Variants in TIAM2 observed in about 807,000 individuals in gnomAD.
TIAM2 encodes TIAM Rac1 associated GEF 2.
TIAM2 carries 80 observed loss-of-function variants against 152.9 expected under a neutral mutation model. The ratio of observed to expected loss-of-function variants is 0.52; its 90% confidence interval spans 0.44 to 0.63. TIAM2 has a LOEUF of 0.63. Ranked by LOEUF, TIAM2 falls within the 30% of genes least tolerant of loss-of-function variation. The pLI is 0.00. For synonymous variants in TIAM2, 804 were observed against 838.0 expected (o/e 0.96, Z 0.70); for missense variants, 1,965 against 2,120.1 (o/e 0.93, Z 1.44).
At chr6:155,198,653 CAA>C (rs1173124704) in intron 14 of TIAM2, among the ~76,000 whole-genome samples, 19 of 31,666 alleles carry the variant, frequency 6.0e-4, no homozygotes, top group East Asian at 9.7e-4. Context: ...CAAGAGCAAA[CAA>C]GAGCAAATCT....
chr6:155,082,665 C>CAAATAAATAAATAAATAAATAAATAAAT (rs765607888), intron 1 of TIAM2, among the ~76,000 whole-genome samples: 24 of 93,378 alleles, frequency 2.6e-4, no homozygotes, highest in Non-Finnish European at 3.4e-4. Context: ...CAAAAAAACC[C>CAAATAAATAAATAAATAAATAAATAAAT]CAATAAATAA....
intron 1 of TIAM2, among the ~76,000 whole-genome samples, chr6:154,998,733 C>T (rs2114832536): frequency 6.6e-6 from 1 of 152,254 alleles, no homozygotes; most frequent in African/African-American, 2.4e-5. Flanking sequence ...TCAATTCTCC[C>T]ATTTTATGGG....
intron 9 of TIAM2, among the ~76,000 whole-genome samples, chr6:155,169,617 G>A (rs1209906935): frequency 6.6e-6 from 1 of 152,150 alleles, no homozygotes; most frequent in East Asian, 1.9e-4. Flanking sequence ...ATTCTATGCT[G>A]TGTCTCTCCA....
chr6:155,240,193 T>C (rs1288890590), intron 15 of TIAM2, among the ~76,000 whole-genome samples: 1 of 152,222 alleles, frequency 6.6e-6, no homozygotes, highest in Non-Finnish European at 1.5e-5. Context: ...TAGAAAGCCA[T>C]AACTTCTTGA....
intron 2 of TIAM2, among the ~76,000 whole-genome samples, chr6:155,107,191 C>T (rs1193796087): frequency 6.6e-6 from 1 of 151,984 alleles, no homozygotes; most frequent in East Asian, 1.9e-4. Context: ...TACTTCCCCT[C>T]TTCTGGAGTT....
At chr6:155,159,978 A>T (rs1026902686) in intron 7 of TIAM2, among the ~76,000 whole-genome samples, 1 of 152,190 alleles carries the variant, frequency 6.6e-6, no homozygotes, top group African/African-American at 2.4e-5. Context: ...CAGAAACAGT[A>T]GGATGTGTGT....
intron 1 of TIAM2, among the ~76,000 whole-genome samples, chr6:155,053,591 C>T (rs1583169562): frequency 6.6e-6 from 1 of 151,818 alleles, no homozygotes; most frequent in East Asian, 1.9e-4. Flanking sequence ...ATGCCTCAGC[C>T]TCCCGAGTAG....
chr6:155,257,303 T>A lies in TIAM2; in HGVS notation c.*182T>A. On this transcript the variant is annotated 3_prime_UTR_variant, in exon 27 of 27. Transcript: ENST00000682666. ...TTTAATTTATTGTGGATCAGAAACC[T>A]AGATGAAACTGGTCAGAATCTGTAA... The A allele has an allele frequency of 1.5e-6, 1 of 677,472 alleles. No homozygotes were observed. The highest frequency in any genetic ancestry group is 2.4e-6 in the Non-Finnish European group (1 of 416,708). The allele number at this position is 677,472 out of a possible 1,614,324, so 42.0% of individuals were successfully genotyped here. A position where few individuals can be genotyped will look rare whatever the true frequency, so the allele number is the denominator to read the frequency against.
chr6:155,164,801 T>G (rs540465611), intron 8 of TIAM2, among the ~76,000 whole-genome samples: 94 of 152,272 alleles, frequency 6.2e-4, no homozygotes, highest in African/African-American at 2.2e-3. Context: ...CTCTACTGCT[T>G]ATTCTAGAGT....
At chr6:155,043,006 C>T (rs1777082674) in intron 1 of TIAM2, among the ~76,000 whole-genome samples, 1 of 152,162 alleles carries the variant, frequency 6.6e-6, no homozygotes, top group Admixed American at 6.6e-5. Flanking sequence ...CTGCTGAGTG[C>T]CAGTTACTGT....
chr6:155,222,657 C>G (rs543686120), intron 15 of TIAM2, among the ~76,000 whole-genome samples: 2 of 150,592 alleles, frequency 1.3e-5, no homozygotes, highest in African/African-American at 4.9e-5. Flanking sequence ...GTTTTTTGCC[C>G]TAAGTCTTAC....
At chr6:155,043,162 T>C (rs1451663549) in intron 1 of TIAM2, among the ~76,000 whole-genome samples, 1 of 152,176 alleles carries the variant, frequency 6.6e-6, no homozygotes, top group Non-Finnish European at 1.5e-5. Flanking sequence ...GAAGTGGATT[T>C]AAATCAGATT....
intron 1 of TIAM2, among the ~76,000 whole-genome samples, chr6:155,021,138 C>T (rs1346268805): frequency 6.6e-6 from 1 of 152,158 alleles, no homozygotes; most frequent in Non-Finnish European, 1.5e-5. Context: ...GGTCCACAGA[C>T]ATTTGGGTTT....
chr6:155,090,775 A>C (rs1042403110), intron 2 of TIAM2, among the ~76,000 whole-genome samples: 6 of 152,094 alleles, frequency 3.9e-5, no homozygotes, highest in Admixed American at 3.9e-4. Flanking sequence ...TTGAGAACGC[A>C]GAGAGCATAT....
intron 7 of TIAM2, among the ~76,000 whole-genome samples, chr6:155,155,329 A>T (rs142691175): frequency 4.3e-4 from 66 of 152,164 alleles, no homozygotes; most frequent in African/African-American, 1.4e-3. Context: ...GGCATGTGCC[A>T]CTACGTCCTG....
intron 15 of TIAM2, among the ~76,000 whole-genome samples, chr6:155,229,872 G>A (rs781650946): frequency 7.9e-5 from 12 of 152,150 alleles, no homozygotes; most frequent in East Asian, 1.9e-4. Flanking sequence ...GCAAGAGAGC[G>A]TGTGCAGGGG....
chr6:155,002,673 TTTTA>T (rs140724297), intron 1 of TIAM2, among the ~76,000 whole-genome samples: 1 of 150,156 alleles, frequency 6.7e-6, no homozygotes, highest in Non-Finnish European at 1.5e-5. Flanking sequence ...GCTTTGCTTG[TTTTA>T]TTTATTTATT....
In TIAM2 at chr6:155,164,426, G is replaced by A. The variant is rs774271809; in HGVS notation, c.2040G>A (p.Trp680Ter). Residue 680 changes from tryptophan to a stop codon, truncating the protein, a stop_gained, in exon 8 of 27, where the codon TGG becomes TGA. Transcript: ENST00000682666. LOFTEE classifies it high-confidence loss of function. ...GTTTTTGCTTTAAGATCCAGCAATG[G>A]GAGCAGAATCTTGAGAAATTTCACA... is the stretch of plus-strand genomic sequence containing the variant. ...RKAIENQIQQWEQNLEKFHMD... is the reference protein window; with the variant it reads ...RKAIENQIQQ The A allele has an allele frequency of 2.5e-6, 4 of 1,579,920 alleles. No homozygotes were observed. Among genetic ancestry groups the A allele is most frequent in the Non-Finnish European group, 3.5e-6 (4 of 1,155,650 alleles).
intron 1 of TIAM2, among the ~76,000 whole-genome samples, chr6:155,028,994 G>T (rs564948213): frequency 9.1e-6 from 1 of 110,062 alleles, no homozygotes; most frequent in East Asian, 2.2e-4. Context: ...TATATACACT[G>T]TATATACTAT....
Sources: gnomAD v4.1 joint callset for allele counts (sites outside exome capture counted in the v4.1 genomes callset) on GRCh38, gnomAD v4.1.1 for gene constraint, MANE v1.5 for transcripts, NCBI Gene and HGNC (gene_info 2026-07-23, HGNC 2026-07-21) for gene names.